Variants in TEX101 observed in about 807,000 individuals in gnomAD.
The protein encoded by TEX101 is testis expressed 101, also known as testis-expressed protein 101.
In TEX101, 10 loss-of-function variants were observed where a neutral mutation model predicts 18.1. That is an observed-to-expected ratio of 0.55 (90% CI 0.34 to 0.94). The LOEUF is 0.94. Among genes scored for constraint, TEX101 ranks in the 40% least tolerant of loss-of-function variants. The pLI is 0.02. For synonymous variants in TEX101, 94 were observed against 114.8 expected (o/e 0.82, Z 1.16); for missense variants, 259 against 298.9 (o/e 0.87, Z 0.98).
At chr19:43,405,819 G>T (rs922063397) in intron 2 of TEX101, among the ~76,000 whole-genome samples, 1 of 151,940 alleles carries the variant, frequency 6.6e-6, no homozygotes, top group African/African-American at 2.4e-5. Context: ...GGAGACTGAG[G>T]CAGGAGAACT....
chr19:43,408,327 G>A (rs1480808494), intron 3 of TEX101, among the ~76,000 whole-genome samples: 2 of 152,080 alleles, frequency 1.3e-5, no homozygotes, highest in African/African-American at 4.8e-5. Flanking sequence ...TTCGGGGAGC[G>A]AACAAGGCAC....
the TEX101 span, among the ~76,000 whole-genome samples, chr19:43,394,532 G>C: frequency 1.3e-5 from 2 of 151,022 alleles, no homozygotes; most frequent in African/African-American, 4.9e-5. Context: ...GTACAATGGC[G>C]TAATCTTGGC....
chr19:43,393,099 G>GA, the TEX101 span, among the ~76,000 whole-genome samples: 1 of 150,302 alleles, frequency 6.7e-6, no homozygotes, highest in Non-Finnish European at 1.5e-5. Context: ...AAGGAAGGAA[G>GA]GAAGGAAAGA....
chr19:43,408,466 G>A (rs1465953846), intron 3 of TEX101, among the ~76,000 whole-genome samples: 1 of 152,132 alleles, frequency 6.6e-6, no homozygotes, highest in Admixed American at 6.5e-5. Flanking sequence ...GGGTCCGGCC[G>A]GTCACCGCCC....
upstream of TEX101, among the ~76,000 whole-genome samples, chr19:43,396,888 G>A (rs1337598983): frequency 5.1e-5 from 7 of 138,476 alleles, no homozygotes; most frequent in Non-Finnish European, 1.1e-4. Context: ...CCAGGCTGGA[G>A]TGCAGTGGCA....
chr19:43,411,643 CTTT>C (rs1404422977), upstream of TEX101, among the ~76,000 whole-genome samples: 1 of 151,322 alleles, frequency 6.6e-6, no homozygotes, highest in East Asian at 1.9e-4. Flanking sequence ...TCTTTTTTTT[CTTT>C]TTTTTCTTTT....
chr19:43,413,069 TA>T (rs1385566601), upstream of TEX101, among the ~76,000 whole-genome samples: 7 of 152,230 alleles, frequency 4.6e-5, no homozygotes, highest in African/African-American at 1.7e-4. Context: ...GTGTTATCTG[TA>T]AGTTCCAGAC....
chr19:43,405,428 A>G (rs1328070968), intron 2 of TEX101, among the ~76,000 whole-genome samples: 1 of 151,608 alleles, frequency 6.6e-6, no homozygotes, highest in Non-Finnish European at 1.5e-5. Context: ...AAATACAAAA[A>G]TTAGCCTGGC....
intron 4 of TEX101, among the ~76,000 whole-genome samples, chr19:43,416,813 G>GC (rs1231764230): frequency 7.9e-5 from 12 of 151,968 alleles, no homozygotes; most frequent in Admixed American, 7.9e-4. Flanking sequence ...GAGGTGGATC[G>GC]CCTGAGGTCA....
Position 43,416,177 on chromosome 19 carries a change from C to T in TEX101, c.143C>T (p.Thr48Ile). The T allele has an allele frequency of 5.0e-6, 8 of 1,613,952 alleles. No individual in the cohort carries two copies. In the African/African-American group the frequency reaches 5.3e-5, roughly 11 times the overall value. The change falls in exon 3 of 6, where the codon ACA becomes ATA. Residue 48 changes from threonine (T) to isoleucine (I), a missense_variant. Coordinates refer to ENST00000598265, the MANE Select transcript of TEX101 (RefSeq NM_001130011.3). ...CCAGCCAATATGTTTAACTGGACCA[C>T]AGAGGAAGTGGAGACTTGTGACAAA... ...ADPANMFNWT[T>I]EEVETCDKGA...
intron 1 of TEX101, among the ~76,000 whole-genome samples, chr19:43,401,754 G>A (rs1329457725): frequency 1.3e-5 from 2 of 152,150 alleles, no homozygotes; most frequent in African/African-American, 4.8e-5. Context: ...TCAGGAGGCT[G>A]AGGCAGGAGA....
Position 43,418,226 on chromosome 19 carries a change from G to T in TEX101, c.579G>T (p.Leu193=). 1.9e-6 allele frequency: 3 copies of T among 1,614,190 alleles called. No individual in the cohort carries two copies. The highest frequency in any genetic ancestry group is 2.5e-6 in the Non-Finnish European group (3 of 1,180,012). The change falls in exon 6 of 6, where the codon CTG becomes CTT. Residue 193 remains leucine, a synonymous_variant. Transcript: ENST00000598265. ...KGCTAMIGCR[L]MSGILAVGPM... The stretch of plus-strand genomic sequence containing the variant: ...GTACAGCCATGATTGGCTGCAGGCT[G>T]ATGTCTGGAATCTTAGCAGTAGGAC...
chr19:43,418,030 A>C (rs1359231125), intron 5 of TEX101, 24 bp downstream of exon 5: 4 of 1,613,980 alleles, frequency 2.5e-6, no homozygotes, highest in Non-Finnish European at 2.5e-6. Flanking sequence ...AACATCTGAT[A>C]GTTTCAGAGG....
chr19:43,399,932 A>G (rs1970305320), upstream of TEX101, among the ~76,000 whole-genome samples: 1 of 151,646 alleles, frequency 6.6e-6, no homozygotes, highest in Non-Finnish European at 1.5e-5. Flanking sequence ...CTCCTGCCTC[A>G]GCCTCCTGAG....
chr19:43,409,452 A>G (rs925895313), intron 3 of TEX101, among the ~76,000 whole-genome samples: 1 of 152,192 alleles, frequency 6.6e-6, no homozygotes, highest in Non-Finnish European at 1.5e-5. Flanking sequence ...AAACATTTCA[A>G]TTAAGGGGTA....
At chr19:43,413,002 G>C (rs1970431969), upstream of TEX101, among the ~76,000 whole-genome samples, 1 of 152,088 alleles carries the variant, frequency 6.6e-6, no homozygotes, top group South Asian at 2.1e-4. Context: ...CCACCACCCA[G>C]CCCTAGGAGT....
At chr19:43,402,051 G>A (rs1970322763) in intron 1 of TEX101, among the ~76,000 whole-genome samples, 1 of 152,258 alleles carries the variant, frequency 6.6e-6, no homozygotes, top group Non-Finnish European at 1.5e-5. Flanking sequence ...TGGAAATGCA[G>A]TCTACATAAG....
upstream of TEX101, among the ~76,000 whole-genome samples, chr19:43,398,333 T>C (rs187579092): frequency 0.012 from 1,806 of 146,328 alleles, 52 homozygotes; most frequent in African/African-American, 0.044. Context: ...TGGAGTGCAG[T>C]GGCGCCATCT....
chr19:43,404,801 CTG>C (rs1970347234), intron 2 of TEX101, among the ~76,000 whole-genome samples: 1 of 151,224 alleles, frequency 6.6e-6, no homozygotes, highest in African/African-American at 2.4e-5. Context: ...GCACTTTACT[CTG>C]TTTTTTATGT....
Sources: allele counts gnomAD v4.1 joint callset (sites outside exome capture counted in the v4.1 genomes callset), GRCh38; gene constraint gnomAD v4.1.1; transcripts MANE v1.5; gene names NCBI Gene and HGNC (gene_info 2026-07-23, HGNC 2026-07-21).